NKAIN2: variants seen among roughly 807,000 people sequenced by gnomAD.
NKAIN2 encodes the protein sodium/potassium transporting ATPase interacting 2, also known as sodium/potassium-transporting ATPase subunit beta-1-interacting protein 2.
In NKAIN2, 14 loss-of-function variants were observed where a neutral mutation model predicts 32.6. The observed-to-expected ratio is 0.43, with a 90% confidence interval of 0.28 to 0.67. The LOEUF (loss-of-function observed/expected upper bound fraction) is 0.67, where lower values mean the gene tolerates loss of function less well. Ranked by LOEUF, NKAIN2 falls within the 30% of genes least tolerant of loss-of-function variation. The probability of loss-of-function intolerance (pLI) is 0.17; values close to 1 mark genes in which losing one functional copy is unlikely to be tolerated. For synonymous variants in NKAIN2, 80 were observed against 87.2 expected, an observed-to-expected ratio of 0.92 and a Z score of 0.46; for missense variants, 198 against 258.3, an observed-to-expected ratio of 0.77 and a Z score of 1.60.
intron 4 of NKAIN2, among the ~76,000 whole-genome samples, chr6:124,712,612 C>G (rs900896711): frequency 1.3e-5 from 2 of 148,880 alleles, no homozygotes; most frequent in African/African-American, 2.5e-5. Context: ...TTCTTTGAGT[C>G]GGAAAGGGAA....
chr6:124,497,211 CT>C (rs1778095257), intron 3 of NKAIN2, among the ~76,000 whole-genome samples: 3 of 152,056 alleles, frequency 2.0e-5, no homozygotes, highest in South Asian at 4.1e-4. Context: ...TTTTATGTGA[CT>C]TTTTTTGATG....
intron 1 of NKAIN2, among the ~76,000 whole-genome samples, chr6:123,854,075 T>A (rs749474743): frequency 6.6e-6 from 1 of 152,158 alleles, no homozygotes; most frequent in Admixed American, 6.5e-5. Context: ...ACCCGCCCGA[T>A]AAATTTTCTT....
intron 2 of NKAIN2, chr6:124,283,392 A>G (rs968977017): frequency 7.1e-6 from 2 of 282,676 alleles, no homozygotes; most frequent in East Asian, 6.5e-5. Context: ...ATAGTCTCAT[A>G]ATTACAAGCC....
chr6:123,952,191 T>G (rs1777360183), intron 1 of NKAIN2, among the ~76,000 whole-genome samples: 1 of 152,106 alleles, frequency 6.6e-6, no homozygotes, highest in Non-Finnish European at 1.5e-5. Context: ...GTTAAAAAAT[T>G]TTTCTTTCAG....
chr6:123,973,649 A>G (rs1387909755), intron 1 of NKAIN2, among the ~76,000 whole-genome samples: 1 of 152,070 alleles, frequency 6.6e-6, no homozygotes, highest in African/African-American at 2.4e-5. Context: ...CTGGAATACT[A>G]TTTAGGTTGG....
At chr6:124,096,145 A>C (rs1784636952) in intron 1 of NKAIN2, among the ~76,000 whole-genome samples, 1 of 152,224 alleles carries the variant, frequency 6.6e-6, no homozygotes. Context: ...TGATTGCAAG[A>C]ACTGAGGTGA....
chr6:124,777,085 T>A (rs1779012498), intron 4 of NKAIN2, among the ~76,000 whole-genome samples: 1 of 152,200 alleles, frequency 6.6e-6, no homozygotes, highest in Non-Finnish European at 1.5e-5. Context: ...TCAGATTTTT[T>A]AGTATTTTCT....
At chr6:123,817,665 G>A (rs957424854) in intron 1 of NKAIN2, among the ~76,000 whole-genome samples, 1 of 152,034 alleles carries the variant, frequency 6.6e-6, no homozygotes, top group Admixed American at 6.6e-5. Context: ...GAATCTTCAG[G>A]GAGGCAACCC....
chr6:124,343,400 CG>C (rs2115092673), intron 2 of NKAIN2, among the ~76,000 whole-genome samples: 1 of 150,460 alleles, frequency 6.6e-6, no homozygotes, highest in East Asian at 2.0e-4. Context: ...CCAGAGGAAT[CG>C]CCACACTGAC....
chr6:124,005,248 A>G (rs1223533102), intron 1 of NKAIN2, among the ~76,000 whole-genome samples: 1 of 152,034 alleles, frequency 6.6e-6, no homozygotes, highest in Non-Finnish European at 1.5e-5. Context: ...AAACGAAACA[A>G]AACAGAAAGG....
intron 4 of NKAIN2, among the ~76,000 whole-genome samples, chr6:124,668,584 C>T (rs555602555): frequency 3.3e-5 from 5 of 152,092 alleles, no homozygotes; most frequent in Non-Finnish European, 5.9e-5. Flanking sequence ...TCAACTCATA[C>T]GCATTCTAAT....
chr6:124,315,222 T>C (rs569669979), intron 2 of NKAIN2, among the ~76,000 whole-genome samples: 1 of 152,210 alleles, frequency 6.6e-6, no homozygotes, highest in Non-Finnish European at 1.5e-5. Context: ...AAGTCTTGCA[T>C]CTTGGGTTTG....
chr6:124,541,014 T>C (rs894167632), intron 3 of NKAIN2, among the ~76,000 whole-genome samples: 1 of 152,326 alleles, frequency 6.6e-6, no homozygotes. Context: ...CATCTGTATA[T>C]GCCACAGTTT....
chr6:124,093,838 G>C (rs1356350080), intron 1 of NKAIN2, among the ~76,000 whole-genome samples: 1 of 152,090 alleles, frequency 6.6e-6, no homozygotes, highest in Non-Finnish European at 1.5e-5. Context: ...GCATCTCATG[G>C]AGCACATCAA....
At chr6:124,366,816 T>G (rs1191078476) in intron 3 of NKAIN2, among the ~76,000 whole-genome samples, 1 of 151,460 alleles carries the variant, frequency 6.6e-6, no homozygotes, top group Admixed American at 6.6e-5. Context: ...TATTCTTAGC[T>G]ACTCAGGAGG....
At chr6:123,884,262 G>T (rs1280875449) in intron 1 of NKAIN2, among the ~76,000 whole-genome samples, 1 of 152,074 alleles carries the variant, frequency 6.6e-6, no homozygotes, top group Non-Finnish European at 1.5e-5. Flanking sequence ...GCTCCATCCA[G>T]TCCGTGCAAA....
chr6:123,879,099 T>C (rs944485775), intron 1 of NKAIN2, among the ~76,000 whole-genome samples: 1 of 152,214 alleles, frequency 6.6e-6, no homozygotes, highest in African/African-American at 2.4e-5. Flanking sequence ...ATGCAAATAA[T>C]TGCATTGAGA....
chr6:124,032,375 T>C (rs1582961751), intron 1 of NKAIN2, among the ~76,000 whole-genome samples: 1 of 151,878 alleles, frequency 6.6e-6, no homozygotes. Context: ...CAAACCTGCA[T>C]GTTGTTCACA....
At chr6:124,301,400 A>G (rs1796287129) in intron 2 of NKAIN2, among the ~76,000 whole-genome samples, 1 of 152,196 alleles carries the variant, frequency 6.6e-6, no homozygotes, top group African/African-American at 2.4e-5. Context: ...GGCAGTGCAG[A>G]AGGGAAATGT....
Sources: gnomAD v4.1 joint callset for allele counts (sites outside exome capture counted in the v4.1 genomes callset) on GRCh38, gnomAD v4.1.1 for gene constraint, MANE v1.5 for transcripts, NCBI Gene and HGNC (gene_info 2026-07-23, HGNC 2026-07-21) for gene names.